Variants in NKAIN2 observed in about 807,000 individuals in gnomAD.
NKAIN2 encodes sodium/potassium-transporting ATPase subunit beta-1-interacting protein 2.
A neutral mutation model predicts 32.6 loss-of-function variants in NKAIN2; 14 were observed. That is an observed-to-expected ratio of 0.43 (90% CI 0.28 to 0.67). The LOEUF (loss-of-function observed/expected upper bound fraction) is 0.67, where lower values mean the gene tolerates loss of function less well. Among genes scored for constraint, NKAIN2 ranks in the 30% least tolerant of loss-of-function variants. NKAIN2 has a pLI of 0.17. For synonymous variants in NKAIN2, 80 were observed against 87.2 expected (o/e 0.92, Z 0.46); for missense variants, 198 against 258.3 (o/e 0.77, Z 1.60).
At chr6:123,827,820 T>TA (rs5879701) in intron 1 of NKAIN2, among the ~76,000 whole-genome samples, 101 of 148,864 alleles carry the variant, frequency 6.8e-4, no homozygotes, top group African/African-American at 2.0e-3. Context: ...TTGGCTCTGT[T>TA]AAAAAAAAAA....
At chr6:124,245,799 A>G (rs1323821383) in intron 1 of NKAIN2, among the ~76,000 whole-genome samples, 3 of 152,054 alleles carry the variant, frequency 2.0e-5, no homozygotes, top group Non-Finnish European at 4.4e-5. Context: ...CATCCTTTCT[A>G]TACTTCAGTA....
intron 3 of NKAIN2, among the ~76,000 whole-genome samples, chr6:124,507,040 C>T (rs1408007733): frequency 4.6e-5 from 7 of 152,192 alleles, no homozygotes; most frequent in African/African-American, 1.7e-4. Context: ...TGACATCCCT[C>T]TCCTATTAGA....
chr6:123,981,028 C>T lies in NKAIN2; in HGVS notation c.54+176774C>T, dbSNP rs533616274. 6.9e-4 allele frequency among the ~76,000 whole-genome samples: 105 copies of T among 152,144 alleles called. No individual in the cohort carries two copies. In the South Asian group the frequency reaches 0.021, roughly 30 times the overall value. The stretch of plus-strand genomic sequence containing the variant: ...AGGACTACAGGCACGCACCACCATG[C>T]CCGGCTATTTTTTGTATTTTAGTAG... On this transcript the variant is annotated intron_variant, in intron 1 of 6. Coordinates refer to ENST00000368417, the MANE Select transcript of NKAIN2 (RefSeq NM_001040214.3).
chr6:124,692,830 AT>A (rs1360242860), intron 4 of NKAIN2, among the ~76,000 whole-genome samples: 2 of 152,014 alleles, frequency 1.3e-5, no homozygotes, highest in Non-Finnish European at 2.9e-5. Context: ...AAAAAAAAAA[AT>A]ATATGTAACA....
chr6:124,614,148 C>T (rs1782794767), intron 3 of NKAIN2, among the ~76,000 whole-genome samples: 2 of 152,174 alleles, frequency 1.3e-5, no homozygotes, highest in Non-Finnish European at 2.9e-5. Flanking sequence ...AATCCCAGCA[C>T]TTTGGGAGGC....
chr6:124,099,762 C>T (rs1784797247), intron 1 of NKAIN2, among the ~76,000 whole-genome samples: 1 of 152,134 alleles, frequency 6.6e-6, no homozygotes, highest in Non-Finnish European at 1.5e-5. Context: ...AGAGCCCAGA[C>T]ATGCTGCTAA....
chr6:124,518,876 A>G (rs1037924925), intron 3 of NKAIN2, among the ~76,000 whole-genome samples: 7 of 152,222 alleles, frequency 4.6e-5, no homozygotes, highest in Non-Finnish European at 1.0e-4. Flanking sequence ...CGATGTAATG[A>G]CATATACATT....
intron 1 of NKAIN2, among the ~76,000 whole-genome samples, chr6:123,954,090 G>A (rs1777454041): frequency 6.6e-6 from 1 of 152,200 alleles, no homozygotes; most frequent in African/African-American, 2.4e-5. Flanking sequence ...TTTAACCTTG[G>A]AGGCAGCAGC....
chr6:124,735,068 A>C (rs1190743312), intron 4 of NKAIN2, among the ~76,000 whole-genome samples: 2 of 151,938 alleles, frequency 1.3e-5, no homozygotes, highest in East Asian at 3.9e-4. Context: ...GAAATGTTGA[A>C]AAATATGAGA....
At position 124,514,766 on chromosome 6, in the gene NKAIN2, A is replaced by G. The variant is rs1778841235; in HGVS notation, c.274-143420A>G. Among the ~76,000 whole-genome samples the G allele has an allele frequency of 5.3e-5, 6 of 113,074 alleles. No individual in the cohort carries two copies. In the South Asian group the frequency reaches 1.6e-3, roughly 30 times the overall value. The allele number at this position is 113,074 out of a possible 152,430, so 74.2% of individuals were successfully genotyped here. On this transcript the variant is annotated intron_variant, in intron 3 of 6. Transcript: ENST00000368417. ...CATGTTGGAATCAACTTGGGTATTG[A>G]AAAAAAAAAAAAAAAGCTCATGCCT... is the stretch of plus-strand genomic sequence containing the variant.
intron 4 of NKAIN2, among the ~76,000 whole-genome samples, chr6:124,694,169 A>G (rs779205844): frequency 1.3e-5 from 2 of 151,304 alleles, no homozygotes; most frequent in African/African-American, 2.4e-5. Context: ...GTGTGTATAT[A>G]TATTTACTGA....
intron 3 of NKAIN2, among the ~76,000 whole-genome samples, chr6:124,597,905 T>G (rs1212584219): frequency 6.6e-6 from 1 of 152,204 alleles, no homozygotes; most frequent in Non-Finnish European, 1.5e-5. Context: ...GGATGATCTT[T>G]CAGTTCTGCT....
chr6:124,712,213 C>T (rs1186809145), intron 4 of NKAIN2, among the ~76,000 whole-genome samples: 1 of 149,798 alleles, frequency 6.7e-6, no homozygotes, highest in Non-Finnish European at 1.5e-5. Context: ...AACCACTGCT[C>T]TCTTCAAAGC....
intron 2 of NKAIN2, among the ~76,000 whole-genome samples, chr6:124,344,841 T>A (rs542636020): frequency 8.3e-4 from 127 of 152,316 alleles, no homozygotes; most frequent in African/African-American, 2.8e-3. Flanking sequence ...TACTGCCTGA[T>A]TGCCCTGGCC....
intron 4 of NKAIN2, among the ~76,000 whole-genome samples, chr6:124,759,657 CCCCT>C (rs1233173636): frequency 4.0e-5 from 3 of 75,458 alleles, no homozygotes; most frequent in African/African-American, 8.4e-5. Context: ...ACACACACAC[CCCCT>C]ATCTCCCTTT....
At position 124,083,780 on chromosome 6, in the gene NKAIN2, A is replaced by G. The variant is rs1379954545; in HGVS notation, c.55-199225A>G. On this transcript the variant is annotated intron_variant, in intron 1 of 6. Coordinates refer to ENST00000368417, the MANE Select transcript of NKAIN2 (RefSeq NM_001040214.3). ...CACATGTGTCTTTCAGTCTAAGAGG[A>G]ACTGCAACAATACTAGGTCCCTGCA... Among the ~76,000 whole-genome samples the G allele has an allele frequency of 4.4e-5, 6 of 137,730 alleles. No homozygotes were observed. The East Asian group carries it at 1.2e-3, about 28-fold the overall frequency. 90.4% of individuals were successfully genotyped at this position (137,730 alleles called of 152,430 possible). A position where few individuals can be genotyped will look rare whatever the true frequency, so the allele number is the denominator to read the frequency against.
chr6:123,901,399 C>T (rs1027418933), intron 1 of NKAIN2, among the ~76,000 whole-genome samples: 3 of 152,096 alleles, frequency 2.0e-5, no homozygotes, highest in Non-Finnish European at 2.9e-5. Flanking sequence ...GCCTCAATGG[C>T]AGGATCCAGT....
chr6:123,850,355 A>AAATAT (rs1262534272), intron 1 of NKAIN2, among the ~76,000 whole-genome samples: 1,839 of 133,280 alleles, frequency 0.014, 52 homozygotes, highest in African/African-American at 0.051. Context: ...AAAAAAAAAA[A>AAATAT]ATATATATAT....
intron 1 of NKAIN2, among the ~76,000 whole-genome samples, chr6:123,841,943 A>G (rs2114936554): frequency 6.6e-6 from 1 of 152,258 alleles, no homozygotes; most frequent in African/African-American, 2.4e-5. Flanking sequence ...TCGCATTGAG[A>G]GCTCCATTTT....
Sources: allele counts gnomAD v4.1 joint callset (sites outside exome capture counted in the v4.1 genomes callset), GRCh38; gene constraint gnomAD v4.1.1; transcripts MANE v1.5; gene names NCBI Gene and HGNC (gene_info 2026-07-23, HGNC 2026-07-21).